PBX1: variants seen among roughly 807,000 people sequenced by gnomAD.
The protein encoded by PBX1 is PBX homeobox 1, also known as pre-B-cell leukemia transcription factor 1.
A neutral mutation model predicts 53.4 loss-of-function variants in PBX1; 6 were observed. The ratio of observed to expected loss-of-function variants is 0.11; its 90% CI spans 0.06 to 0.22. The LOEUF is 0.22. PBX1 is among the 10% of genes least tolerant of loss of function. The probability of loss-of-function intolerance (pLI) is 1.00; values close to 1 mark genes in which losing one functional copy is unlikely to be tolerated. For missense variants in PBX1, 251 were observed against 551.4 expected, an observed-to-expected ratio of 0.46 and a Z score of 5.46; for synonymous variants, 204 against 212.3, an observed-to-expected ratio of 0.96 and a Z score of 0.34.
At chr1:164,638,978 T>C (rs1658956581) in intron 2 of PBX1, among the ~76,000 whole-genome samples, 1 of 152,170 alleles carries the variant, frequency 6.6e-6, no homozygotes, top group East Asian at 1.9e-4. Flanking sequence ...GCCCGTTTTT[T>C]CTCTACAGGA....
chr1:164,820,963 C>G, intron 7 of PBX1, among the ~76,000 whole-genome samples: 1 of 152,144 alleles, frequency 6.6e-6, no homozygotes, highest in Non-Finnish European at 1.5e-5. Flanking sequence ...AACTGGTCAG[C>G]GATTCACCCC....
intron 3 of PBX1, 138 bp from the exon 4 acceptor site, chr1:164,799,561 G>A: frequency 1.7e-6 from 1 of 603,418 alleles, no homozygotes; most frequent in Non-Finnish European, 2.8e-6. Flanking sequence ...GGGCTGAAAG[G>A]GACGTCTACC....
intron 8 of PBX1, among the ~76,000 whole-genome samples, chr1:164,837,064 G>T (rs774094395): frequency 7.2e-5 from 11 of 152,244 alleles, no homozygotes; most frequent in Non-Finnish European, 1.5e-4. Flanking sequence ...CTCTTGGATG[G>T]TCAGAAAAGT....
chr1:164,839,296 ATTT>A (rs1302000529), intron 8 of PBX1, among the ~76,000 whole-genome samples: 2 of 152,226 alleles, frequency 1.3e-5, no homozygotes, highest in African/African-American at 4.8e-5. Flanking sequence ...CAGAAACAAG[ATTT>A]TTTTAACTTA....
intron 2 of PBX1, among the ~76,000 whole-genome samples, chr1:164,633,311 G>A (rs1300214330): frequency 7.2e-5 from 11 of 151,922 alleles, no homozygotes; most frequent in Non-Finnish European, 5.9e-5. Context: ...CACCATGCCC[G>A]GCTAATTTTC....
chr1:164,623,698 T>C (rs1657843258), intron 2 of PBX1, among the ~76,000 whole-genome samples: 1 of 152,212 alleles, frequency 6.6e-6, no homozygotes. Context: ...TGCTTGGATA[T>C]TCCCCACTTC....
At chr1:164,738,086 T>C in intron 2 of PBX1, among the ~76,000 whole-genome samples, 1 of 152,192 alleles carries the variant, frequency 6.6e-6, no homozygotes, top group African/African-American at 2.4e-5. Flanking sequence ...CTTGGCTTAA[T>C]AGTTTGTTGT....
At chr1:164,774,940 T>C (rs992993601) in intron 2 of PBX1, among the ~76,000 whole-genome samples, 3 of 152,208 alleles carry the variant, frequency 2.0e-5, no homozygotes, top group Admixed American at 6.5e-5. Flanking sequence ...AATCCTCCTC[T>C]GCGTTCGGAA....
intron 2 of PBX1, among the ~76,000 whole-genome samples, chr1:164,638,044 T>C (rs1333892537): frequency 6.6e-6 from 1 of 152,190 alleles, no homozygotes; most frequent in Non-Finnish European, 1.5e-5. Context: ...CTATTAATGT[T>C]TATACGTTCC....
intron 2 of PBX1, among the ~76,000 whole-genome samples, chr1:164,771,757 A>C (rs2102248017): frequency 6.6e-6 from 1 of 152,176 alleles, no homozygotes; most frequent in East Asian, 1.9e-4. Context: ...TGTTACTCAT[A>C]GGCAATCAGA....
chr1:164,631,820 G>A (rs1041713062), intron 2 of PBX1, among the ~76,000 whole-genome samples: 2 of 152,200 alleles, frequency 1.3e-5, no homozygotes, highest in Non-Finnish European at 2.9e-5. Context: ...GAACTGATTT[G>A]GGCCATATTC....
chr1:164,781,935 G>T (rs1484274021), intron 2 of PBX1, among the ~76,000 whole-genome samples: 3 of 151,846 alleles, frequency 2.0e-5, no homozygotes, highest in Non-Finnish European at 4.4e-5. Context: ...TACTCTACAT[G>T]AAAACACTCT....
At chr1:164,611,104 A>G (rs1333821858) in intron 2 of PBX1, among the ~76,000 whole-genome samples, 1 of 152,080 alleles carries the variant, frequency 6.6e-6, no homozygotes, top group Non-Finnish European at 1.5e-5. Context: ...TCTGAACCCC[A>G]GCCTTTCACT....
intron 2 of PBX1, among the ~76,000 whole-genome samples, chr1:164,870,136 T>C (rs1269240471): frequency 6.6e-6 from 1 of 152,204 alleles, no homozygotes; most frequent in Non-Finnish European, 1.5e-5. Flanking sequence ...ACTTACCAGC[T>C]CTATGATCAA....
At chr1:164,726,471 A>C (rs2102123578) in intron 2 of PBX1, among the ~76,000 whole-genome samples, 1 of 152,350 alleles carries the variant, frequency 6.6e-6, no homozygotes, top group East Asian at 1.9e-4. Context: ...GCATTCAGCC[A>C]TAAATATGGC....
At position 164,848,790 on chromosome 1, in the gene PBX1, T is replaced by C; in HGVS notation, c.*2114T>C. ...TGAGAATGGGCAGCTAGCAAGAACA[T>C]GGAAATTCTGCTTGGCACTACAGTC... On this transcript the variant is annotated 3_prime_UTR_variant, in exon 9 of 9. Transcript: ENST00000420696. The C allele has an allele frequency of 9.4e-7, 1 of 1,062,048 alleles. No individual in the cohort carries two copies. The highest frequency in any genetic ancestry group is 1.1e-6 in the Non-Finnish European group (1 of 877,274). 65.8% of individuals were successfully genotyped at this position (1,062,048 alleles called of 1,614,324 possible). A position where few individuals can be genotyped will look rare whatever the true frequency, so the allele number is the denominator to read the frequency against.
chr1:164,802,919 T>C (rs974162293), intron 4 of PBX1, among the ~76,000 whole-genome samples: 2 of 152,146 alleles, frequency 1.3e-5, no homozygotes, highest in African/African-American at 4.8e-5. Flanking sequence ...GCTCTCTAAA[T>C]GATTTTCGAG....
At chr1:164,560,552 TC>T (rs66927717) in intron 1 of PBX1, 122,480 of 182,348 alleles carry the variant, frequency 0.67, 42,424 homozygotes, top group East Asian at 0.99. Context: ...TCTCCTTTCT[TC>T]CCCCCCTACC....
At chr1:164,633,017 A>G (rs1557904043) in intron 2 of PBX1, among the ~76,000 whole-genome samples, 1 of 152,212 alleles carries the variant, frequency 6.6e-6, no homozygotes, top group African/African-American at 2.4e-5. Context: ...AGGTCATACA[A>G]TTAGTCAATG....
Sources: gnomAD v4.1 joint callset for allele counts (sites outside exome capture counted in the v4.1 genomes callset) on GRCh38, gnomAD v4.1.1 for gene constraint, MANE v1.5 for transcripts, NCBI Gene and HGNC (gene_info 2026-07-23, HGNC 2026-07-21) for gene names.